CLPSL1: variants seen among roughly 807,000 people sequenced by gnomAD.
CLPSL1 encodes the protein colipase like 1.
A neutral mutation model predicts 9.3 loss-of-function variants in CLPSL1; 13 were observed. The ratio of observed to expected loss-of-function variants is 1.40; its 90% confidence interval spans 0.91 to 2.22. CLPSL1 has a LOEUF of 2.22. Among genes scored for constraint, CLPSL1 ranks in the 30% most tolerant of loss-of-function variants. The pLI is 0.00. For synonymous variants in CLPSL1, 58 were observed against 56.9 expected, an observed-to-expected ratio of 1.02 and a Z score of -0.08; for missense variants, 164 against 146.6, an observed-to-expected ratio of 1.12 and a Z score of -0.61.
At chr6:35,791,235 A>G (rs1332697519), downstream of CLPSL1, among the ~76,000 whole-genome samples, 7 of 152,392 alleles carry the variant, frequency 4.6e-5, no homozygotes, top group East Asian at 1.3e-3. Flanking sequence ...TGTAGGGAAT[A>G]AAGTACAGAT....
In CLPSL1 at chr6:35,781,181, C is replaced by G. The variant is rs766157363; in HGVS notation, c.71C>G (p.Ser24Ter). ...FFFLFLLTRG[S>*]LSPTKYNLLE... is the part of the protein sequence containing the mutation. The stretch of plus-strand genomic sequence containing the variant: ...TTTCTCTTCCTCCTCACCAGGGGCT[C>G]ACTTTCTCCAACAAAATACAACCTT... Residue 24 changes from serine (S) to a stop codon, truncating the protein, a stop_gained, in exon 1 of 3, where the codon TCA becomes TGA. Transcript: ENST00000373861. LOFTEE classifies it high-confidence loss of function. 1.9e-6 allele frequency: 3 copies of G among 1,613,956 alleles called. No homozygotes were observed. The Admixed American group carries it at 5.0e-5, about 27-fold the overall frequency.
At chr6:35,788,514 T>A (rs1768133499), downstream of CLPSL1, among the ~76,000 whole-genome samples, 1 of 152,282 alleles carries the variant, frequency 6.6e-6, no homozygotes, top group Non-Finnish European at 1.5e-5. Flanking sequence ...GGGGCCGCTC[T>A]AGCTGCCTTA....
chr6:35,787,207 G>C, intron 2 of CLPSL1, 87 bp downstream of exon 2: 2 of 1,472,950 alleles, frequency 1.4e-6, no homozygotes, highest in East Asian at 2.3e-5. Flanking sequence ...AGGAAAGAAG[G>C]GTAGGTGGGC....
At chr6:35,791,506 G>A (rs1768208683), downstream of CLPSL1, among the ~76,000 whole-genome samples, 1 of 152,110 alleles carries the variant, frequency 6.6e-6, no homozygotes, top group Non-Finnish European at 1.5e-5. Context: ...TACTCGGGAG[G>A]CTGAGGCAGG....
downstream of CLPSL1, among the ~76,000 whole-genome samples, chr6:35,791,590 A>G (rs1005004193): frequency 1.3e-5 from 2 of 151,852 alleles, no homozygotes; most frequent in Non-Finnish European, 2.9e-5. Flanking sequence ...CCTGGGTGAC[A>G]GAGTTAGACT....
chr6:35,786,261 G>T (rs1279988464), intron 1 of CLPSL1, among the ~76,000 whole-genome samples: 1 of 152,158 alleles, frequency 6.6e-6, no homozygotes, highest in East Asian at 1.9e-4. Context: ...TCAAAAAAAA[G>T]AAGAAAAGAA....
chr6:35,792,288 G>A (rs1482176108), downstream of CLPSL1, among the ~76,000 whole-genome samples: 9 of 151,898 alleles, frequency 5.9e-5, no homozygotes, highest in Non-Finnish European at 2.9e-5. Flanking sequence ...AAAAAAAAAA[G>A]TATTTAATAC....
At chr6:35,790,145 AG>A (rs200213622), downstream of CLPSL1, among the ~76,000 whole-genome samples, 1,973 of 152,250 alleles carry the variant, frequency 0.013, 21 homozygotes, top group Non-Finnish European at 0.019. Context: ...CATGTTGCCC[AG>A]GCTGGTCTCA....
At chr6:35,783,020 T>C (rs1767995936) in intron 1 of CLPSL1, among the ~76,000 whole-genome samples, 1 of 152,190 alleles carries the variant, frequency 6.6e-6, no homozygotes, top group East Asian at 1.9e-4. Flanking sequence ...TGAGTTTACA[T>C]GGAAATCAAT....
intron 1 of CLPSL1, among the ~76,000 whole-genome samples, chr6:35,786,483 C>A (rs946865078): frequency 6.6e-6 from 1 of 152,198 alleles, no homozygotes; most frequent in African/African-American, 2.4e-5. Context: ...GCCTGGCACA[C>A]AGTAGGTGCT....
chr6:35,789,953 G>T (rs1768156411), downstream of CLPSL1, among the ~76,000 whole-genome samples: 1 of 152,226 alleles, frequency 6.6e-6, no homozygotes. Context: ...TGGAGACAGG[G>T]TCTCACTCTG....
chr6:35,782,699 A>G (rs918988195), intron 1 of CLPSL1, among the ~76,000 whole-genome samples: 1 of 152,188 alleles, frequency 6.6e-6, no homozygotes, highest in Admixed American at 6.5e-5. Context: ...CTTTGAATCC[A>G]GAGAATGGCA....
At chr6:35,786,951 C>T in intron 1 of CLPSL1, 47 bp from the exon 2 acceptor site, 6 of 1,546,492 alleles carry the variant, frequency 3.9e-6, no homozygotes, top group South Asian at 1.2e-5. Flanking sequence ...GCGGCGAGGG[C>T]GGAAGGCGGG....
intron 1 of CLPSL1, among the ~76,000 whole-genome samples, chr6:35,785,104 G>A (rs1199168688): frequency 6.6e-6 from 1 of 151,936 alleles, no homozygotes; most frequent in East Asian, 1.9e-4. Context: ...CACATGCAGG[G>A]TGTTTAGGAA....
downstream of CLPSL1, among the ~76,000 whole-genome samples, chr6:35,790,298 T>C (rs1163023202): frequency 2.6e-5 from 4 of 152,258 alleles, no homozygotes; most frequent in Admixed American, 6.5e-5. Flanking sequence ...TAAAACAAAG[T>C]TGTTAATTTT....
Position 35,788,134 on chromosome 6 carries a change from A to G in CLPSL1, c.*124A>G. The G allele has an allele frequency of 1.1e-6, 1 of 886,306 alleles. No homozygotes were observed. Among genetic ancestry groups the G allele is most frequent in the Non-Finnish European group, 1.9e-6 (1 of 538,322 alleles). 54.9% of individuals were successfully genotyped at this position (886,306 alleles called of 1,614,324 possible). A position where few individuals can be genotyped will look rare whatever the true frequency, so the allele number is the denominator to read the frequency against. On this transcript the variant is annotated 3_prime_UTR_variant, in exon 3 of 3. Transcript: ENST00000373861. ...GAGGGAAGTGGGGAGTGATTGAAAT[A>G]AAGAGCTTTTTCAATGTTTGCTGCC...
intron 2 of CLPSL1, 38 bp downstream of exon 2, chr6:35,787,158 A>C (rs1222824862): frequency 6.2e-7 from 1 of 1,605,792 alleles, no homozygotes; most frequent in Admixed American, 1.7e-5. Flanking sequence ...GAGGGGATCC[A>C]GGGGAAGTGG....
chr6:35,782,599 G>C (rs59902843), intron 1 of CLPSL1, among the ~76,000 whole-genome samples: 1 of 152,278 alleles, frequency 6.6e-6, no homozygotes, highest in Non-Finnish European at 1.5e-5. Context: ...GCCGGGCAAA[G>C]AGTGCAGGAC....
chr6:35,793,470 C>T, intron 1 of CLPSL1: 1 of 471,438 alleles, frequency 2.1e-6, no homozygotes, highest in Non-Finnish European at 4.4e-6. Context: ...CTCTCTGCTC[C>T]TTCTCCCGCC....
Sources: gnomAD v4.1 joint callset for allele counts (sites outside exome capture counted in the v4.1 genomes callset) on GRCh38, gnomAD v4.1.1 for gene constraint, MANE v1.5 for transcripts, NCBI Gene and HGNC (gene_info 2026-07-23, HGNC 2026-07-21) for gene names.